Variants in PVR observed in about 807,000 individuals in gnomAD.
The protein encoded by PVR is poliovirus receptor.
PVR carries 39 observed loss-of-function variants against 43.3 expected under a neutral mutation model. That is an observed-to-expected ratio of 0.90 (90% CI 0.70 to 1.18). PVR has a LOEUF of 1.18. Among genes scored for constraint, PVR ranks in the 50% most tolerant of loss-of-function variants. PVR has a pLI of 0.00. For missense variants in PVR, 480 were observed against 549.7 expected, an observed-to-expected ratio of 0.87 and a Z score of 1.27; for synonymous variants, 224 against 233.2, an observed-to-expected ratio of 0.96 and a Z score of 0.36.
Position 44,657,845 on chromosome 19 carries a change from C to CT in PVR, c.929dup (p.Leu310PhefsTer27). On this transcript the variant is annotated frameshift_variant, in exon 5 of 8. Transcript: ENST00000425690. LOFTEE classifies it high-confidence loss of function. ...CCTGTGGACAAACCAATCAACACAA[C>CT]TTTAATCTGCAACGTCACCAATGCC... 1 of 1,614,002 alleles carries CT rather than the reference C, an allele frequency of 6.2e-7. No individual in the cohort carries two copies. Among genetic ancestry groups the CT allele is most frequent in the African/African-American group, 1.3e-5 (1 of 75,028 alleles).
At chr19:44,651,498 T>G (rs1599764181) in intron 3 of PVR, among the ~76,000 whole-genome samples, 1 of 152,152 alleles carries the variant, frequency 6.6e-6, no homozygotes, top group African/African-American at 2.4e-5. Context: ...CTAGTTGCAT[T>G]GATCTTCTCA....
rs1973150285 is a variant in PVR, at chr19:44,647,286, C to T, written c.143C>T (p.Pro48Leu). ...TTCTTGGGCGACTCCGTGACGCTGC[C>T]CTGCTACCTACAGGTGCCCAACATG... ...PGFLGDSVTL[P>L]CYLQVPNMEV... The change falls in exon 2 of 8, where the codon CCC becomes CTC. Residue 48 changes from proline to leucine, a missense_variant. Pro to Leu is a moderately conservative substitution (Grantham distance 98). Coordinates refer to ENST00000425690, the MANE Select transcript of PVR (RefSeq NM_006505.5). 7 of 1,583,612 alleles carry T rather than the reference C, an allele frequency of 4.4e-6. No homozygotes were observed. In the Middle Eastern group the frequency reaches 6.6e-4, roughly 150 times the overall value.
Position 44,663,846 on chromosome 19 carries a change from C to T in PVR, c.*2035C>T, listed in dbSNP as rs959039862. On this transcript the variant is annotated 3_prime_UTR_variant, in exon 8 of 8. Transcript: ENST00000425690. ...CATAGCTCATTGCAGCCTCTAACTC[C>T]GGGGCTCAAGCAATCCTCCCACCTC... Among the ~76,000 whole-genome samples, 8 of 151,960 alleles carry T rather than the reference C, an allele frequency of 5.3e-5. No individual in the cohort carries two copies. Among genetic ancestry groups the T allele is most frequent in the South Asian group, 2.1e-4 (1 of 4,812 alleles).
rs1188749704 is a variant in PVR, at chr19:44,647,205, C to A, written c.80-18C>A. On this transcript the variant is annotated intron_variant, in intron 1 of 7. Transcript: ENST00000425690. ...AAGAACGCCCCGGGTCTGACACCTT[C>A]TCTTCGGTTCTCCGCAGGGGACGTC... 19 of 1,512,264 alleles carry A rather than the reference C, an allele frequency of 1.3e-5. No individual in the cohort carries two copies. The highest frequency in any genetic ancestry group is 1.6e-5 in the Non-Finnish European group (18 of 1,124,000). 93.7% of individuals were successfully genotyped at this position (1,512,264 alleles called of 1,614,324 possible). A position where few individuals can be genotyped will look rare whatever the true frequency, so the allele number is the denominator to read the frequency against.
intron 4 of PVR, among the ~76,000 whole-genome samples, chr19:44,654,395 G>A (rs1260262990): frequency 6.6e-6 from 1 of 152,240 alleles, no homozygotes; most frequent in African/African-American, 2.4e-5. Context: ...AAGAGAAAAA[G>A]AGGAGGTTGA....
At chr19:44,652,890 T>A (rs1161711315) in intron 3 of PVR, among the ~76,000 whole-genome samples, 1 of 152,246 alleles carries the variant, frequency 6.6e-6, no homozygotes, top group Non-Finnish European at 1.5e-5. Context: ...ATTGTTTTTT[T>A]AAAATTATTC....
intron 1 of PVR, among the ~76,000 whole-genome samples, chr19:44,646,287 G>A (rs752192919): frequency 1.7e-4 from 26 of 152,050 alleles, no homozygotes; most frequent in Non-Finnish European, 2.5e-4. Context: ...CCTTCCTCTC[G>A]TGCCTCAATC....
Position 44,661,911 on chromosome 19 carries a change from A to G in PVR, c.*100A>G. ...ATGGATGAAGACCCCCTCCAAAGAG[A>G]CCAGCCTCCCTCCCTGTGCCAGACC... On this transcript the variant is annotated 3_prime_UTR_variant, in exon 8 of 8. Transcript: ENST00000425690. The G allele has an allele frequency of 8.7e-7, 1 of 1,143,216 alleles. No individual in the cohort carries two copies. Among genetic ancestry groups the G allele is most frequent in the Non-Finnish European group, 1.3e-6 (1 of 775,470 alleles). 70.8% of individuals were successfully genotyped at this position (1,143,216 alleles called of 1,614,324 possible).
intron 1 of PVR, 148 bp from the exon 2 acceptor site, chr19:44,647,075 G>GC: frequency 3.9e-5 from 4 of 101,582 alleles, no homozygotes; most frequent in South Asian, 4.4e-4. Context: ...TAGTGCCCCA[G>GC]TTCCCCCTCC....
In PVR at chr19:44,653,901, C is replaced by G; in HGVS notation, c.726C>G (p.Tyr242Ter). ...AACCTCTGTATCCATTTCCTGCAGA[C>G]CCCCCAGAGGTATCCATCTCTGGCT... ...QLLTVNLTVY[Y>*]PPEVSISGYD... The change falls in exon 4 of 8, where the codon TAC becomes TAG. Residue 242 changes from tyrosine (Y) to a stop codon, truncating the protein, a stop_gained and splice_region_variant. Transcript: ENST00000425690. LOFTEE classifies it high-confidence loss of function. The G allele has an allele frequency of 6.2e-7, 1 of 1,604,854 alleles. No individual in the cohort carries two copies. Among genetic ancestry groups the G allele is most frequent in the Admixed American group, 1.7e-5 (1 of 60,012 alleles).
At chr19:44,657,474 G>A (rs957818182) in intron 4 of PVR, among the ~76,000 whole-genome samples, 15 of 152,234 alleles carry the variant, frequency 9.9e-5, no homozygotes, top group Non-Finnish European at 2.2e-4. Context: ...GGAGCCCAGC[G>A]TGGAGGCGGC....
At chr19:44,647,607 A>G (rs142176515) in intron 2 of PVR, 37 bp downstream of exon 2, 30 of 1,541,332 alleles carry the variant, frequency 1.9e-5, no homozygotes, top group Middle Eastern at 3.4e-4. Context: ...AATGAAAGGC[A>G]GAGACTTGGT....
At position 44,647,457 on chromosome 19, in the gene PVR, A is replaced by G. The variant is rs766636602; in HGVS notation, c.314A>G (p.Asn105Ser). 5 of 1,614,146 alleles carry G rather than the reference A, an allele frequency of 3.1e-6. No individual in the cohort carries two copies. The highest frequency in any genetic ancestry group is 2.2e-5 in the South Asian group (2 of 91,068). ...GCCAGACTGGGCGCGGAGCTGCGGA[A>G]TGCCTCGCTGAGGATGTTCGGGTTG... ...VAARLGAELR[N>S]ASLRMFGLRV... Residue 105 changes from asparagine to serine, a missense_variant, in exon 2 of 8, where the codon AAT (asparagine) becomes AGT (serine). Transcript: ENST00000425690.
chr19:44,652,749 A>G (rs926167473), intron 3 of PVR, among the ~76,000 whole-genome samples: 20 of 152,178 alleles, frequency 1.3e-4, no homozygotes, highest in African/African-American at 4.6e-4. Context: ...TCCTGGGCTC[A>G]AGTGATCCTC....
In PVR at chr19:44,654,025, C is replaced by A. The variant is rs1477977088; in HGVS notation, c.842+8C>A. ...AGGCTATAATTGGAGCACGTGAGTC[C>A]TGGGTCTCAGGGAGGAGGGGCTGGG... is the stretch of plus-strand genomic sequence containing the variant. On this transcript the variant is annotated splice_region_variant and intron_variant, in intron 4 of 7. Coordinates refer to ENST00000425690, the MANE Select transcript of PVR (RefSeq NM_006505.5). 6.2e-7 allele frequency: 1 copy of A among 1,602,766 alleles called. No individual in the cohort carries two copies. The highest frequency in any genetic ancestry group is 8.5e-7 in the Non-Finnish European group (1 of 1,169,862).
In PVR at chr19:44,661,935, C is replaced by A; in HGVS notation, c.*124C>A. ...GACCAGCCTCCCTCCCTGTGCCAGA[C>A]CTCAAAACGACGGGGGCAGGTGCAA... On this transcript the variant is annotated 3_prime_UTR_variant, in exon 8 of 8. Coordinates refer to ENST00000425690, the MANE Select transcript of PVR (RefSeq NM_006505.5). The A allele has an allele frequency of 1.1e-6, 1 of 883,312 alleles. No homozygotes were observed. Among genetic ancestry groups the A allele is most frequent in the Non-Finnish European group, 1.8e-6 (1 of 564,286 alleles). The allele number at this position is 883,312 out of a possible 1,614,324, so 54.7% of individuals were successfully genotyped here.
At chr19:44,654,732 G>A (rs747063021) in intron 4 of PVR, among the ~76,000 whole-genome samples, 5 of 152,210 alleles carry the variant, frequency 3.3e-5, no homozygotes, top group Non-Finnish European at 7.3e-5. Context: ...AACATTATGA[G>A]ACTTTTTTTT....
intron 3 of PVR, among the ~76,000 whole-genome samples, chr19:44,652,915 A>G (rs1973321989): frequency 6.6e-6 from 1 of 152,026 alleles, no homozygotes; most frequent in African/African-American, 2.4e-5. Flanking sequence ...GATCTTTCCC[A>G]TTTATTTTGT....
rs1281445379 is a variant in PVR at position 44,654,037 on chromosome 19, G to A, written c.842+20G>A. On this transcript the variant is annotated intron_variant, in intron 4 of 7. Coordinates refer to ENST00000425690, the MANE Select transcript of PVR (RefSeq NM_006505.5). Reference sequence around the variant, plus strand: ...GAGCACGTGAGTCCTGGGTCTCAGGGAGGAGGGGCTGGGGGTCTGGATTTC... The same window carrying A: ...GAGCACGTGAGTCCTGGGTCTCAGGAAGGAGGGGCTGGGGGTCTGGATTTC... The A allele has an allele frequency of 1.3e-6, 2 of 1,570,748 alleles. No homozygotes were observed. Among genetic ancestry groups the A allele is most frequent in the Non-Finnish European group, 1.8e-6 (2 of 1,141,146 alleles).
Sources: gnomAD v4.1 joint callset for allele counts (sites outside exome capture counted in the v4.1 genomes callset) on GRCh38, gnomAD v4.1.1 for gene constraint, MANE v1.5 for transcripts, NCBI Gene and HGNC (gene_info 2026-07-23, HGNC 2026-07-21) for gene names.